Variants in PLEKHG2 observed in about 807,000 individuals in gnomAD.
PLEKHG2 encodes pleckstrin homology and RhoGEF domain containing G2.
In PLEKHG2, 71 loss-of-function variants were observed where a neutral mutation model predicts 104.4. That is an observed-to-expected ratio of 0.68 (90% CI 0.56 to 0.83). PLEKHG2 has a LOEUF of 0.83. Among genes scored for constraint, PLEKHG2 ranks in the 40% least tolerant of loss-of-function variants. The pLI, the probability that PLEKHG2 is intolerant of heterozygous loss-of-function variation, is 0.00. For synonymous variants in PLEKHG2, 728 were observed against 737.0 expected (o/e 0.99, Z 0.20); for missense variants, 1,730 against 1,809.4 (o/e 0.96, Z 0.80).
At position 39,416,435 on chromosome 19, in the gene PLEKHG2, C is replaced by T. The variant is rs1034146625; in HGVS notation, c.546+21C>T. The T allele has an allele frequency of 4.3e-6, 7 of 1,611,770 alleles. No individual in the cohort carries two copies. Among genetic ancestry groups the T allele is most frequent in the Non-Finnish European group, 5.9e-6 (7 of 1,179,358 alleles). ...AGAGGGTGAGTGGAGGGGTGGGGGG[C>T]TCTCGGTCCTGGATGGGGCCTTTGT... is the stretch of plus-strand genomic sequence containing the variant. On this transcript the variant is annotated intron_variant, in intron 5 of 18. Transcript: ENST00000425673. This position sits in a 1 kb window ranked among gnomAD's most constrained non-coding sequence, Gnocchi z 4.5.
In PLEKHG2 at chr19:39,424,962, C is replaced by G. The variant is rs1385275013; in HGVS notation, c.3829C>G (p.Leu1277Val). 1 of 1,613,998 alleles carries G rather than the reference C, an allele frequency of 6.2e-7. No individual in the cohort carries two copies. Among genetic ancestry groups the G allele is most frequent in the Non-Finnish European group, 8.5e-7 (1 of 1,179,964 alleles). The change falls in exon 19 of 19, where the codon CTC becomes GTC. Residue 1277 changes from leucine (L) to valine (V), a missense_variant. Transcript: ENST00000425673. Reference sequence around the variant, plus strand: ...GCTCCTGGGCCCCAATGCAGCTGCCCTCTCCAGATACCTGGCAGCCTCATA... The same window carrying G: ...GCTCCTGGGCCCCAATGCAGCTGCCGTCTCCAGATACCTGGCAGCCTCATA... ...RQLLGPNAAA[L>V]SRYLAASYIS...
intron 11 of PLEKHG2, among the ~76,000 whole-genome samples, chr19:39,419,907 G>A (rs1203207715): frequency 8.2e-6 from 1 of 121,440 alleles, no homozygotes; most frequent in Non-Finnish European, 1.8e-5. Context: ...AGAAAAATTA[G>A]CTGGGCATGG....
At position 39,423,179 on chromosome 19, in the gene PLEKHG2, A is replaced by G. The variant is rs1280219703; in HGVS notation, c.2125A>G (p.Arg709Gly). The G allele has an allele frequency of 7.4e-6, 12 of 1,612,648 alleles. No individual in the cohort carries two copies. The highest frequency in any genetic ancestry group is 1.0e-5 in the Non-Finnish European group (12 of 1,178,982). ...GGAACCAGCTGAGGCTCCAGCCACC[A>G]GGAGAGAACTGTTTTCTGGGAGCAA... Reference protein sequence around the residue: ...LQEPAEAPATRRELFSGSNPG... With the variant: ...LQEPAEAPATGRELFSGSNPG... The change falls in exon 18 of 19, where the codon AGG becomes GGG. Residue 709 changes from arginine (R) to glycine (G), a missense_variant. Transcript: ENST00000425673.
At position 39,422,965 on chromosome 19, in the gene PLEKHG2, C is replaced by T. The variant is rs778926175; in HGVS notation, c.1911C>T (p.Asp637=). 20 of 1,614,160 alleles carry T rather than the reference C, an allele frequency of 1.2e-5. No individual in the cohort carries two copies. Among genetic ancestry groups the T allele is most frequent in the Middle Eastern group, 1.6e-4 (1 of 6,062 alleles). ...TTCCCTGCCTTACCAAAATTCCTGA[C>T]GTGCCCAACCTTCCTGAAATTCCCA... ...PSIPCLTKIP[D]VPNLPEIPSR... The change falls in exon 18 of 19, where the codon GAC becomes GAT. Residue 637 remains aspartate, a synonymous_variant. Coordinates refer to ENST00000425673, the MANE Select transcript of PLEKHG2 (RefSeq NM_022835.3).
At position 39,423,741 on chromosome 19, in the gene PLEKHG2, C is replaced by A. The variant is rs370974096; in HGVS notation, c.2608C>A (p.Pro870Thr). The A allele has an allele frequency of 6.2e-7, 1 of 1,608,946 alleles. No homozygotes were observed. The highest frequency in any genetic ancestry group is 8.5e-7 in the Non-Finnish European group (1 of 1,176,604). Residue 870 changes from proline to threonine, a missense_variant, in exon 19 of 19, where the codon CCT (proline) becomes ACT (threonine). Coordinates refer to ENST00000425673, the MANE Select transcript of PLEKHG2 (RefSeq NM_022835.3). Reference sequence around the variant, plus strand: ...CCTCTTTTCGCATTCAGGGCTCCTGCCTGCCTTTGGACACGTGCTGGTATG... The same window carrying A: ...CCTCTTTTCGCATTCAGGGCTCCTGACTGCCTTTGGACACGTGCTGGTATG... ...PQEQAEPGLL[P>T]AFGHVLVCEL... is the part of the protein sequence containing the mutation.
Position 39,416,871 on chromosome 19 carries a change from G to A in PLEKHG2, c.615G>A (p.Glu205=). 2 of 1,609,940 alleles carry A rather than the reference G, an allele frequency of 1.2e-6. No individual in the cohort carries two copies. Among genetic ancestry groups the A allele is most frequent in the South Asian group, 1.1e-5 (1 of 90,722 alleles). ...NYPSSLALLR[E]LSLSPPAALW... is the part of the protein sequence containing the mutation. ...CCAGCTCCCTGGCCCTGCTCCGGGAGCTGTCGTTGTCTCCGCCAGCAGCCC... is the reference window on the plus strand; with the variant it reads ...CCAGCTCCCTGGCCCTGCTCCGGGAACTGTCGTTGTCTCCGCCAGCAGCCC... The change falls in exon 7 of 19, where the codon GAG becomes GAA. Residue 205 remains glutamate (E), a synonymous_variant. Coordinates refer to ENST00000425673, the MANE Select transcript of PLEKHG2 (RefSeq NM_022835.3). The surrounding 1 kb of genome is among the most constrained non-coding windows in gnomAD (Gnocchi z 4.5).
Position 39,422,155 on chromosome 19 carries a change from A to T in PLEKHG2, c.1544A>T (p.Gln515Leu). ...SEGELYPPESQPPVSGSAPPE... is the reference protein window; with the variant it reads ...SEGELYPPESLPPVSGSAPPE... ...GGGGAACTCTACCCTCCAGAATCTC[A>T]GCCACCAGTTTCAGGCTCTGCACCC... Residue 515 changes from glutamine (Q) to leucine (L), a missense_variant, in exon 17 of 19, where the codon CAG (glutamine) becomes CTG (leucine). Physicochemically the swap from Gln to Leu is moderately radical, Grantham distance 113. Transcript: ENST00000425673. The T allele has an allele frequency of 3.7e-6, 6 of 1,612,264 alleles. No homozygotes were observed. The highest frequency in any genetic ancestry group is 5.1e-6 in the Non-Finnish European group (6 of 1,179,286).
rs375569725 is a variant in PLEKHG2 at position 39,426,406 on chromosome 19, G to C, written c.*1112G>C. The stretch of plus-strand genomic sequence containing the variant: ...ATAATTCAGGTCGTGGAGACAAAAG[G>C]CTTTTATGTTAGGTTCTGTCTGCCC... On this transcript the variant is annotated 3_prime_UTR_variant, in exon 19 of 19. Coordinates refer to ENST00000425673, the MANE Select transcript of PLEKHG2 (RefSeq NM_022835.3). 1.3e-5 allele frequency: 2 copies of C among 152,334 alleles called. No homozygotes were observed. The highest frequency in any genetic ancestry group is 2.4e-5 in the African/African-American group (1 of 41,562). 9.4% of individuals were successfully genotyped at this position (152,334 alleles called of 1,614,324 possible). A position where few individuals can be genotyped will look rare whatever the true frequency, so the allele number is the denominator to read the frequency against.
rs45441295 is a variant in PLEKHG2, at chr19:39,415,010, T to C, written c.128T>C (p.Met43Thr). The C allele has an allele frequency of 3.9e-4, 620 of 1,597,202 alleles. 1 individual carries two copies. Among genetic ancestry groups the C allele is most frequent in the Non-Finnish European group, 3.5e-4 (411 of 1,170,116 alleles). The change falls in exon 3 of 19, where the codon ATG (methionine) becomes ACG (threonine). Residue 43 changes from methionine (M) to threonine (T), a missense_variant. Physicochemically the swap from Met to Thr is moderately conservative, Grantham distance 81. Transcript: ENST00000425673. The surrounding 1 kb of genome is among the most constrained non-coding windows in gnomAD (Gnocchi z 4.6). ...ETRTAPAAPTMASPRGSGSST... is the reference protein window; with the variant it reads ...ETRTAPAAPTTASPRGSGSST... The stretch of plus-strand genomic sequence containing the variant: ...CCAGCAGCTCCTGCAGCCCCCACCA[T>C]GGCCTCCCCCCGAGGTTCTGGGAGC...
Position 39,423,880 on chromosome 19 carries a change from G to T in PLEKHG2, c.2747G>T (p.Gly916Val), listed in dbSNP as rs766469060. 5 of 1,614,026 alleles carry T rather than the reference G, an allele frequency of 3.1e-6. No individual in the cohort carries two copies. The highest frequency in any genetic ancestry group is 1.1e-5 in the South Asian group (1 of 91,094). ...CAGGGAGGCAGCCCGGATGGCCAGG[G>T]TCTACATGTTTCCAATTTGCCTAAG... ...SKQGGSPDGQ[G>V]LHVSNLPKQD... is the part of the protein sequence containing the mutation. The change falls in exon 19 of 19, where the codon GGT becomes GTT. Residue 916 changes from glycine to valine, a missense_variant. Physicochemically the swap from Gly to Val is moderately radical, Grantham distance 109. Transcript: ENST00000425673.
intron 2 of PLEKHG2, 64 bp from the exon 3 acceptor site, chr19:39,414,928 T>G (rs1291290576): frequency 6.7e-7 from 1 of 1,492,590 alleles, no homozygotes; most frequent in Non-Finnish European, 9.0e-7. Context: ...GCTGAACGCA[T>G]GAAAGGCTGT....
rs1247865211 is a variant in PLEKHG2 at position 39,413,602 on chromosome 19, A to T, written c.-23+190A>T. ...ATCGGGGTTCGGAGAGACCGGCCGGAGGGGGTGCGAGGGCTCGGGGCCAGC... is the reference window on the plus strand; with the variant it reads ...ATCGGGGTTCGGAGAGACCGGCCGGTGGGGGTGCGAGGGCTCGGGGCCAGC... On this transcript the variant is annotated intron_variant, in intron 1 of 18. Transcript: ENST00000425673. This position sits in a 1 kb window ranked among gnomAD's most constrained non-coding sequence, Gnocchi z 4.5. The T allele has an allele frequency of 8.3e-6, 1 of 120,122 alleles. No individual in the cohort carries two copies. Among genetic ancestry groups the T allele is most frequent in the Non-Finnish European group, 1.8e-5 (1 of 55,998 alleles). The allele number at this position is 120,122 out of a possible 1,614,324, so 7.4% of individuals were successfully genotyped here.
rs1304142634 is a variant in PLEKHG2, at chr19:39,422,999, G to A, written c.1945G>A (p.Glu649Lys). 5.6e-6 allele frequency: 9 copies of A among 1,614,220 alleles called. No homozygotes were observed. The highest frequency in any genetic ancestry group is 1.3e-5 in the African/African-American group (1 of 75,052). The change falls in exon 18 of 19, where the codon GAA becomes AAA. Residue 649 changes from glutamate (E) to lysine (K), a missense_variant. Physicochemically the swap from Glu to Lys is moderately conservative, Grantham distance 56 (BLOSUM62 1). Coordinates refer to ENST00000425673, the MANE Select transcript of PLEKHG2 (RefSeq NM_022835.3). Reference protein sequence around the residue: ...PNLPEIPSRCEIPEGSRLPSL... With the variant: ...PNLPEIPSRCKIPEGSRLPSL... ...CCTTCCTGAAATTCCCAGCCGCTGT[G>A]AAATTCCCGAAGGTTCTCGCCTTCC...
chr19:39,416,511 C>G lies in PLEKHG2; in HGVS notation c.547-40C>G, dbSNP rs547929714. On this transcript the variant is annotated intron_variant, in intron 5 of 18. Coordinates refer to ENST00000425673, the MANE Select transcript of PLEKHG2 (RefSeq NM_022835.3). This position sits in a 1 kb window ranked among gnomAD's most constrained non-coding sequence, Gnocchi z 4.5. ...AGGCTGGAAGGGGGGTCGTGGGAAG[C>G]CAGGACCTGGGGTCTCCCTGACTCC... is the stretch of plus-strand genomic sequence containing the variant. 6.2e-7 allele frequency: 1 copy of G among 1,613,274 alleles called. No homozygotes were observed.
intron 2 of PLEKHG2, 26 bp downstream of exon 2, chr19:39,414,221 A>G (rs1014061494): frequency 2.1e-5 from 33 of 1,546,032 alleles, no homozygotes; most frequent in Admixed American, 1.2e-4. Context: ...GGGGCGGCGG[A>G]GCCTGTGGGG....
Position 39,416,429 on chromosome 19 carries a change from G to A in PLEKHG2, c.546+15G>A, listed in dbSNP as rs535937118. The A allele has an allele frequency of 1.9e-6, 3 of 1,613,034 alleles. No homozygotes were observed. The highest frequency in any genetic ancestry group is 1.7e-5 in the Admixed American group (1 of 59,986). ...TCGTGCAGAGGGTGAGTGGAGGGGT[G>A]GGGGGCTCTCGGTCCTGGATGGGGC... On this transcript the variant is annotated intron_variant, in intron 5 of 18. Transcript: ENST00000425673. This position sits in a 1 kb window ranked among gnomAD's most constrained non-coding sequence, Gnocchi z 4.5.
In PLEKHG2 at chr19:39,423,395, C is replaced by T. The variant is rs752166041; in HGVS notation, c.2341C>T (p.Arg781Trp). ...WQALEQGQLARPGFPEPLLIL... is the reference protein window; with the variant it reads ...WQALEQGQLAWPGFPEPLLIL... Reference sequence around the variant, plus strand: ...GGCATTGGAACAGGGACAGCTGGCCCGGCCAGGCTTCCCAGAGCCACTGCT... The same window carrying T: ...GGCATTGGAACAGGGACAGCTGGCCTGGCCAGGCTTCCCAGAGCCACTGCT... Residue 781 changes from arginine (R) to tryptophan (W), a missense_variant, in exon 18 of 19, where the codon CGG becomes TGG. Arg to Trp is a moderately radical substitution (Grantham distance 101, BLOSUM62 -3). Coordinates refer to ENST00000425673, the MANE Select transcript of PLEKHG2 (RefSeq NM_022835.3). The T allele has an allele frequency of 1.4e-5, 23 of 1,611,034 alleles. No homozygotes were observed. Among genetic ancestry groups the T allele is most frequent in the East Asian group, 2.2e-5 (1 of 44,778 alleles).
chr19:39,421,186 G>A, intron 15 of PLEKHG2, 73 bp downstream of exon 15: 1 of 1,525,970 alleles, frequency 6.6e-7, no homozygotes, highest in Non-Finnish European at 9.0e-7. Context: ...GCGGGTTGGG[G>A]AGGGGTGGTT....
In PLEKHG2 at chr19:39,424,427, A is replaced by G. The variant is rs750823730; in HGVS notation, c.3294A>G (p.Pro1098=). 22 of 1,613,916 alleles carry G rather than the reference A, an allele frequency of 1.4e-5. No individual in the cohort carries two copies. Among genetic ancestry groups the G allele is most frequent in the East Asian group, 1.3e-4 (6 of 44,876 alleles). The change falls in exon 19 of 19, where the codon CCA becomes CCG. Residue 1098 remains proline, a synonymous_variant. Transcript: ENST00000425673. ...QGPGDTLPPL[P]CHLPDLQIPG... ...CAGGCGACACCCTACCACCCTTGCC[A>G]TGTCACCTCCCAGACCTTCAGATTC...
Sources: gnomAD v4.1 joint callset for allele counts (sites outside exome capture counted in the v4.1 genomes callset) on GRCh38, gnomAD v4.1.1 for gene constraint, Gnocchi (gnomAD v3.1) non-coding constraint, MANE v1.5 for transcripts, NCBI Gene and HGNC (gene_info 2026-07-23, HGNC 2026-07-21) for gene names.